SNX8: variants seen among roughly 807,000 people sequenced by gnomAD.
The protein encoded by SNX8 is sorting nexin-8.
SNX8 carries 25 observed loss-of-function variants against 51.6 expected under a neutral mutation model. The observed-to-expected ratio is 0.48, with a 90% CI of 0.35 to 0.68. The LOEUF (loss-of-function observed/expected upper bound fraction) is 0.68, where lower values mean the gene tolerates loss of function less well. SNX8 is among the 30% of genes least tolerant of loss of function. SNX8 has a pLI of 0.00. For synonymous variants in SNX8, 324 were observed against 277.0 expected, an observed-to-expected ratio of 1.17 and a Z score of -1.68; for missense variants, 695 against 624.0, an observed-to-expected ratio of 1.11 and a Z score of -1.21.
At chr7:2,260,665 C>T (rs1011885516) in intron 7 of SNX8, among the ~76,000 whole-genome samples, 1 of 152,140 alleles carries the variant, frequency 6.6e-6, no homozygotes, top group Non-Finnish European at 1.5e-5. Flanking sequence ...CTCGCTGCCC[C>T]CGACTGAACA....
Position 2,278,263 on chromosome 7 carries a change from TGCACGATGGCCTGGG to T in SNX8, c.122_136del (p.Pro41_Val45del). The T allele has an allele frequency of 6.2e-7, 1 of 1,603,350 alleles. No homozygotes were observed. Among genetic ancestry groups the T allele is most frequent in the Non-Finnish European group, 8.5e-7 (1 of 1,172,124 alleles). ...CATTCGACTGGGGGCTGGGACCTGC[TGCACGATGGCCTGGG>T]GCTCGATGGCCTGGGGTGTCGGCAG... On this transcript the variant is annotated inframe_deletion, in exon 2 of 11. Transcript: ENST00000222990.
At chr7:2,305,998 G>A (rs959352170) in intron 1 of SNX8, among the ~76,000 whole-genome samples, 10 of 152,138 alleles carry the variant, frequency 6.6e-5, no homozygotes, top group African/African-American at 1.7e-4. Flanking sequence ...CCTTCTTCCC[G>A]CCAGAGGGAA....
chr7:2,254,831 T>A lies in SNX8; in HGVS notation c.*225A>T. On this transcript the variant is annotated 3_prime_UTR_variant, in exon 11 of 11. Transcript: ENST00000222990. ...CCATTCCAGAGAACCCCACCACCTC[T>A]CTCGACCAGGCTAGCAGGCCACAGG... 1 of 580,960 alleles carries A rather than the reference T, an allele frequency of 1.7e-6. No individual in the cohort carries two copies. Among genetic ancestry groups the A allele is most frequent in the Non-Finnish European group, 3.1e-6 (1 of 325,038 alleles). The allele number at this position is 580,960 out of a possible 1,614,324, so 36.0% of individuals were successfully genotyped here.
intron 1 of SNX8, chr7:2,353,968 G>T (rs983753261): frequency 1.3e-5 from 2 of 152,336 alleles, no homozygotes; most frequent in Admixed American, 1.3e-4. Flanking sequence ...CAAAAAACAA[G>T]ATAGAAGCCA....
rs568886606 is a variant in SNX8, at chr7:2,350,113, G to A, written c.-66+4109C>T. Among the ~76,000 whole-genome samples, 5 of 152,214 alleles carry A rather than the reference G, an allele frequency of 3.3e-5. No homozygotes were observed. In the South Asian group the frequency reaches 1.0e-3, roughly 32 times the overall value. ...TTCCTCAAAGACATGAAATCCCCAC[G>A]CTCAGAACCTGGTTGGCCTACTTGG... On this transcript the variant is annotated intron_variant, in intron 1 of 5. Coordinates refer to the SNX8 transcript ENST00000435336.
chr7:2,290,977 G>A (rs538386467), intron 1 of SNX8, among the ~76,000 whole-genome samples: 2 of 152,234 alleles, frequency 1.3e-5, no homozygotes, highest in Non-Finnish European at 2.9e-5. Context: ...AATGGTCTCA[G>A]TGTTTCTACC....
chr7:2,339,883 T>C (rs1778890628), intron 1 of SNX8, among the ~76,000 whole-genome samples: 1 of 152,146 alleles, frequency 6.6e-6, no homozygotes, highest in Admixed American at 6.6e-5. Flanking sequence ...TTTCTGCACG[T>C]GGTAGATAAC....
At chr7:2,318,867 G>C (rs990299683), upstream of SNX8, among the ~76,000 whole-genome samples, 3 of 149,692 alleles carry the variant, frequency 2.0e-5, no homozygotes, top group Admixed American at 6.7e-5. Context: ...AAAAAGCCAG[G>C]CACAATGGCA....
At chr7:2,351,409 C>T (rs566482053) in intron 1 of SNX8, among the ~76,000 whole-genome samples, 26 of 152,118 alleles carry the variant, frequency 1.7e-4, no homozygotes, top group African/African-American at 4.8e-4. Context: ...AAAGGTAGCC[C>T]GATGTGGTGG....
At chr7:2,330,213 C>T (rs1218732955) in intron 1 of SNX8, among the ~76,000 whole-genome samples, 7 of 150,630 alleles carry the variant, frequency 4.6e-5, no homozygotes, top group Non-Finnish European at 1.0e-4. Context: ...TCTCGGCTCA[C>T]CACAACCTCC....
chr7:2,302,922 G>A (rs1390648123), intron 1 of SNX8, among the ~76,000 whole-genome samples: 5 of 151,100 alleles, frequency 3.3e-5, no homozygotes, highest in Non-Finnish European at 1.5e-5. Context: ...CCCTGTCTGA[G>A]AAGTGAGGAG....
rs1039236188 is a variant in SNX8, at chr7:2,254,913, G to A, written c.*143C>T. 1.2e-5 allele frequency: 8 copies of A among 667,458 alleles called. No individual in the cohort carries two copies. The highest frequency in any genetic ancestry group is 5.3e-5 in the African/African-American group (3 of 56,522). The allele number at this position is 667,458 out of a possible 1,614,324, so 41.3% of individuals were successfully genotyped here. A position where few individuals can be genotyped will look rare whatever the true frequency, so the allele number is the denominator to read the frequency against. ...GGTCCACGGATGCGCCTCCCGACCC[G>A]CAGGCGTGAGCTCCTCTGCTCCAGC... On this transcript the variant is annotated 3_prime_UTR_variant, in exon 11 of 11. Coordinates refer to ENST00000222990, the MANE Select transcript of SNX8 (RefSeq NM_013321.4).
chr7:2,291,766 T>G (rs1330514354), intron 1 of SNX8, among the ~76,000 whole-genome samples: 1 of 152,182 alleles, frequency 6.6e-6, no homozygotes, highest in African/African-American at 2.4e-5. Context: ...CTATCAGTCC[T>G]TCCTTCCTTC....
At chr7:2,299,192 A>G (rs1191620827) in intron 1 of SNX8, among the ~76,000 whole-genome samples, 3 of 151,958 alleles carry the variant, frequency 2.0e-5, no homozygotes, top group Non-Finnish European at 4.4e-5. Flanking sequence ...CGGGCCATCC[A>G]TCGCTGAGAC....
At chr7:2,314,571 T>C (rs1249525288), upstream of SNX8, 3 of 786,028 alleles carry the variant, frequency 3.8e-6, no homozygotes, top group Non-Finnish European at 4.7e-6. Context: ...CCCGCCGCGC[T>C]CCTCGCCCGG....
chr7:2,271,835 G>C lies in SNX8; in HGVS notation c.540+15C>G, dbSNP rs1795651528. On this transcript the variant is annotated intron_variant, in intron 4 of 10. Transcript: ENST00000222990. ...CTCCCCGGGGCCGGGACATGGGCAG[G>C]GCAGACACACTCACCGAGCCGCTGA... is the stretch of plus-strand genomic sequence containing the variant. 4 of 1,593,882 alleles carry C rather than the reference G, an allele frequency of 2.5e-6. No homozygotes were observed. Among genetic ancestry groups the C allele is most frequent in the Non-Finnish European group, 3.4e-6 (4 of 1,170,652 alleles).
At chr7:2,316,404 A>T (rs1215534367), upstream of SNX8, among the ~76,000 whole-genome samples, 29 of 94,988 alleles carry the variant, frequency 3.1e-4, no homozygotes, top group Non-Finnish European at 5.7e-4. Context: ...CATTCACGCA[A>T]CCACTCACTC....
chr7:2,257,570 G>C (rs756757197), intron 8 of SNX8, 56 bp from the exon 9 acceptor site: 1 of 1,591,446 alleles, frequency 6.3e-7, no homozygotes, highest in Admixed American at 1.7e-5. Flanking sequence ...CCAGGGCCCT[G>C]CGGAGCCGGC....
chr7:2,336,373 C>A (rs981062585), intron 1 of SNX8, among the ~76,000 whole-genome samples: 1 of 151,860 alleles, frequency 6.6e-6, no homozygotes, highest in East Asian at 1.9e-4. Context: ...TCACTCCAGC[C>A]TGGGCAACTT....
Sources: allele counts gnomAD v4.1 joint callset (sites outside exome capture counted in the v4.1 genomes callset), GRCh38; gene constraint gnomAD v4.1.1; transcripts MANE v1.5; gene names NCBI Gene and HGNC (gene_info 2026-07-23, HGNC 2026-07-21).